The following EHMT1 variants were observed in gnomAD, a reference collection of about 807,000 sequenced individuals.
The protein encoded by EHMT1 is euchromatic histone lysine methyltransferase 1.
EHMT1 carries 15 observed loss-of-function variants against 147.2 expected under a neutral mutation model. That is an observed-to-expected ratio of 0.10 (90% CI 0.07 to 0.16). The LOEUF (loss-of-function observed/expected upper bound fraction) is 0.16. Among genes scored for constraint, EHMT1 ranks in the 10% least tolerant of loss-of-function variants. The probability of loss-of-function intolerance (pLI) is 1.00; values close to 1 mark genes in which losing one functional copy is unlikely to be tolerated. For synonymous variants in EHMT1, 795 were observed against 709.6 expected (o/e 1.12, Z -1.91); for missense variants, 1,587 against 1,772.4 (o/e 0.90, Z 1.88).
At chr9:137,715,883 A>T (rs1047306344) in intron 2 of EHMT1, 2 of 970,690 alleles carry the variant, frequency 2.1e-6, no homozygotes, top group Admixed American at 6.2e-5. Context: ...CCCAAACTTA[A>T]CCAACTAACG....
At chr9:137,628,633 C>G (rs1420942846) in intron 1 of EHMT1, among the ~76,000 whole-genome samples, 1 of 152,176 alleles carries the variant, frequency 6.6e-6, no homozygotes, top group African/African-American at 2.4e-5. Flanking sequence ...AAACTAGAAG[C>G]ACAGCTGTCC....
At chr9:137,780,373 A>G (rs1227033714) in intron 14 of EHMT1, among the ~76,000 whole-genome samples, 1 of 118,586 alleles carries the variant, frequency 8.4e-6, no homozygotes, top group Non-Finnish European at 1.7e-5. Flanking sequence ...TGACGCTGAG[A>G]CGTGTGATGA....
At chr9:137,632,521 A>T (rs940338219) in intron 1 of EHMT1, among the ~76,000 whole-genome samples, 20 of 152,180 alleles carry the variant, frequency 1.3e-4, no homozygotes, top group Non-Finnish European at 7.4e-5. Flanking sequence ...CTCCCGCCTC[A>T]GCCTCCCGAG....
chr9:137,834,418 G>A lies in EHMT1; in HGVS notation c.3610G>A (p.Glu1204Lys), dbSNP rs773593938. The change falls in exon 26 of 27, where the codon GAG becomes AAG. Residue 1204 changes from glutamate to lysine, a missense_variant. Around this residue, in one of 7 missense-constraint regions of EHMT1, gnomAD observed 141 missense variants for 150.8 expected, o/e 0.94. Coordinates refer to ENST00000460843, the MANE Select transcript of EHMT1 (RefSeq NM_024757.5). Reference sequence around the variant, plus strand: ...CAGCCGGTTCATCAACCACCACTGCGAGCCCAACCTGGTGCCCGTGCGCGT... The same window carrying A: ...CAGCCGGTTCATCAACCACCACTGCAAGCCCAACCTGGTGCCCGTGCGCGT... ...NVSRFINHHC[E>K]PNLVPVRVFM... is the part of the protein sequence containing the mutation. 9 of 1,613,336 alleles carry A rather than the reference G, an allele frequency of 5.6e-6. No homozygotes were observed. Among genetic ancestry groups the A allele is most frequent in the Non-Finnish European group, 7.6e-6 (9 of 1,179,804 alleles).
Position 137,834,549 on chromosome 9 carries a change from C to A in EHMT1, c.3716+25C>A, listed in dbSNP as rs775860055. The A allele has an allele frequency of 4.9e-5, 79 of 1,608,360 alleles. No homozygotes were observed. In the African/African-American group the frequency reaches 9.9e-4, roughly 20 times the overall value. ...GGTACGCACCGCCCCGGCCCCTGGCCATCTCCGCTGCCGGCGGGACGGTTT... is the reference window on the plus strand; with the variant it reads ...GGTACGCACCGCCCCGGCCCCTGGCAATCTCCGCTGCCGGCGGGACGGTTT... On this transcript the variant is annotated intron_variant, in intron 26 of 26. Transcript: ENST00000460843.
chr9:137,776,621 A>G lies in EHMT1; in HGVS notation c.1795A>G (p.Asn599Asp). The G allele has an allele frequency of 1.2e-6, 2 of 1,614,010 alleles. No individual in the cohort carries two copies. Reference sequence around the variant, plus strand: ...TTTTTTGTCCTCCCATTTTTAGGGTAATTTTATGGAGTGTCAGCCCGAGAG... The same window carrying G: ...TTTTTTGTCCTCCCATTTTTAGGGTGATTTTATGGAGTGTCAGCCCGAGAG... ...PGCGYFCTAG[N>D]FMECQPESSI... The change falls in exon 12 of 27, where the codon AAT becomes GAT. Residue 599 changes from asparagine to aspartate, a missense_variant. By Grantham distance (23) the Asn-to-Asp change is conservative (BLOSUM62 1). Around this residue, in one of 7 missense-constraint regions of EHMT1, gnomAD observed 124 missense variants for 197.8 expected, o/e 0.63. Coordinates refer to ENST00000460843, the MANE Select transcript of EHMT1 (RefSeq NM_024757.5). The surrounding 1 kb of genome is among the most constrained non-coding windows in gnomAD (Gnocchi z 4.4).
intron 16 of EHMT1, among the ~76,000 whole-genome samples, chr9:137,793,948 T>C (rs1952712889): frequency 6.6e-6 from 1 of 152,224 alleles, no homozygotes; most frequent in South Asian, 2.1e-4. Context: ...TTGGAAATAG[T>C]GGTGATTGTG....
At chr9:137,800,830 G>A in intron 17 of EHMT1, 50 bp from the exon 18 acceptor site, 3 of 1,559,402 alleles carry the variant, frequency 1.9e-6, no homozygotes, top group African/African-American at 1.4e-5. Context: ...CATTGCTCTG[G>A]TGGTTGCCGG....
chr9:137,791,461 TTGAA>T (rs1337242314), intron 16 of EHMT1, among the ~76,000 whole-genome samples: 5 of 152,206 alleles, frequency 3.3e-5, no homozygotes, highest in South Asian at 2.1e-4. Context: ...TCTATATACT[TTGAA>T]TGAAGTATTC....
At chr9:137,795,681 T>TGG (rs1476703230) in intron 16 of EHMT1, among the ~76,000 whole-genome samples, 1 of 152,096 alleles carries the variant, frequency 6.6e-6, no homozygotes, top group Admixed American at 6.5e-5. Flanking sequence ...CAACGCTGAA[T>TGG]GAAACGATCC....
At chr9:137,796,702 T>TGAAAAAAAA (rs1952974557) in intron 16 of EHMT1, among the ~76,000 whole-genome samples, 1 of 15,304 alleles carries the variant, frequency 6.5e-5, no homozygotes, top group African/African-American at 1.2e-4. Flanking sequence ...AGACTCCATC[T>TGAAAAAAAA]CAAAAAAAAA....
intron 3 of EHMT1, among the ~76,000 whole-genome samples, chr9:137,721,297 AC>A (rs1588361638): frequency 3.6e-3 from 44 of 12,304 alleles, no homozygotes; most frequent in East Asian, 9.4e-3. Context: ...TCTCACACTC[AC>A]CCCCTCCCAG....
chr9:137,762,091 A>G (rs7028828), intron 9 of EHMT1, among the ~76,000 whole-genome samples: 9,991 of 152,246 alleles, frequency 0.066, 1,068 homozygotes, highest in African/African-American at 0.23. Flanking sequence ...CCTATGGACT[A>G]TGCTGTCATT....
chr9:137,619,948 G>C (rs1474295308), intron 1 of EHMT1: 3 of 152,126 alleles, frequency 2.0e-5, no homozygotes, highest in African/African-American at 7.2e-5. Context: ...CAGCGTAGAA[G>C]TATTTCTTTG....
At chr9:137,621,007 G>T (rs902492721) in intron 1 of EHMT1, among the ~76,000 whole-genome samples, 3 of 152,200 alleles carry the variant, frequency 2.0e-5, no homozygotes, top group African/African-American at 7.2e-5. Flanking sequence ...GTTTATAAAT[G>T]AGAAGACAGG....
At chr9:137,654,180 A>G (rs1313435526) in intron 1 of EHMT1, among the ~76,000 whole-genome samples, 1 of 152,152 alleles carries the variant, frequency 6.6e-6, no homozygotes, top group Non-Finnish European at 1.5e-5. Context: ...CTTGGCCAAC[A>G]TGGCGAAACC....
At chr9:137,792,258 G>A (rs1014089554) in intron 16 of EHMT1, 4 of 362,924 alleles carry the variant, frequency 1.1e-5, no homozygotes, top group South Asian at 4.5e-5. Flanking sequence ...AGAAATAAAC[G>A]ATTGCATATA....
At chr9:137,758,742 G>GCTAGC (rs1949572636) in intron 9 of EHMT1, among the ~76,000 whole-genome samples, 1 of 152,138 alleles carries the variant, frequency 6.6e-6, no homozygotes, top group South Asian at 2.1e-4. Flanking sequence ...ATGACAAATA[G>GCTAGC]CTAGCTTTTT....
intron 1 of EHMT1, among the ~76,000 whole-genome samples, chr9:137,703,164 G>A (rs1348292710): frequency 6.6e-6 from 1 of 152,210 alleles, no homozygotes; most frequent in African/African-American, 2.4e-5. Flanking sequence ...AGAGCAGCAA[G>A]GCCCTGGGTC....
Sources: allele counts gnomAD v4.1 joint callset (sites outside exome capture counted in the v4.1 genomes callset), GRCh38; gene constraint gnomAD v4.1.1; regional missense constraint gnomAD v4.1.1; non-coding constraint Gnocchi (gnomAD v3.1); transcripts MANE v1.5; gene names NCBI Gene and HGNC (gene_info 2026-07-23, HGNC 2026-07-21).